SLC24A4: variants seen among roughly 807,000 people sequenced by gnomAD.
The protein encoded by SLC24A4 is sodium/potassium/calcium exchanger 4.
Under a neutral mutation model 79.0 loss-of-function variants are expected in SLC24A4, and 53 were observed. The ratio of observed to expected loss-of-function variants is 0.67; its 90% CI spans 0.54 to 0.84. SLC24A4 has a LOEUF of 0.84. SLC24A4 is among the 40% of genes least tolerant of loss of function. SLC24A4 has a pLI of 0.00. For synonymous variants in SLC24A4, 323 were observed against 323.8 expected, an observed-to-expected ratio of 1.00 and a Z score of 0.03; for missense variants, 731 against 822.0, an observed-to-expected ratio of 0.89 and a Z score of 1.35.
intron 7 of SLC24A4, among the ~76,000 whole-genome samples, chr14:92,444,435 A>G (rs572344636): frequency 5.3e-5 from 8 of 152,338 alleles, no homozygotes; most frequent in Admixed American, 3.3e-4. Context: ...ATTTTCCACA[A>G]TAATGAATGA....
At chr14:92,375,637 G>A (rs967018643) in intron 2 of SLC24A4, among the ~76,000 whole-genome samples, 1 of 152,216 alleles carries the variant, frequency 6.6e-6, no homozygotes, top group African/African-American at 2.4e-5. Context: ...AAGGAAGGAA[G>A]TACTGCTACA....
chr14:92,344,105 A>G (rs1055966812), intron 2 of SLC24A4, among the ~76,000 whole-genome samples: 12 of 152,202 alleles, frequency 7.9e-5, no homozygotes, highest in African/African-American at 2.9e-4. Context: ...AGGATATTCA[A>G]TCCATTGACT....
chr14:92,454,541 A>G (rs971956884), intron 11 of SLC24A4, among the ~76,000 whole-genome samples: 1 of 152,200 alleles, frequency 6.6e-6, no homozygotes, highest in African/African-American at 2.4e-5. Flanking sequence ...TGATTTTAAT[A>G]TTATTTAATG....
At chr14:92,489,098 G>A (rs1022819406) in intron 14 of SLC24A4, among the ~76,000 whole-genome samples, 2 of 152,094 alleles carry the variant, frequency 1.3e-5, no homozygotes, top group African/African-American at 4.8e-5. Context: ...ATAGTCCTCA[G>A]GGTAACATTG....
At chr14:92,379,829 G>A (rs1290911914) in intron 2 of SLC24A4, among the ~76,000 whole-genome samples, 1 of 151,980 alleles carries the variant, frequency 6.6e-6, no homozygotes, top group East Asian at 1.9e-4. Flanking sequence ...TTTCTGCCCC[G>A]CCAGCACACC....
intron 6 of SLC24A4, among the ~76,000 whole-genome samples, chr14:92,443,038 G>A (rs1316757480): frequency 6.6e-6 from 1 of 152,188 alleles, no homozygotes; most frequent in Non-Finnish European, 1.5e-5. Context: ...GGGGAATGTT[G>A]GACTTGACCT....
chr14:92,382,272 C>G (rs1459336830), intron 2 of SLC24A4, among the ~76,000 whole-genome samples: 1 of 152,042 alleles, frequency 6.6e-6, no homozygotes, highest in Non-Finnish European at 1.5e-5. Flanking sequence ...TATCAATTAT[C>G]AAACATATAT....
At chr14:92,471,850 A>G (rs1894456550) in intron 12 of SLC24A4, among the ~76,000 whole-genome samples, 1 of 152,212 alleles carries the variant, frequency 6.6e-6, no homozygotes, top group Non-Finnish European at 1.5e-5. Context: ...CCAGATGAGA[A>G]CAATGAATGC....
At chr14:92,418,515 T>C (rs772079606) in intron 2 of SLC24A4, among the ~76,000 whole-genome samples, 4 of 152,164 alleles carry the variant, frequency 2.6e-5, no homozygotes, top group Admixed American at 6.5e-5. Context: ...TGTGTGTTCA[T>C]AAAGAGATTT....
Position 92,324,175 on chromosome 14 carries a change from T to TGG in SLC24A4, c.130+221_130+222dup, listed in dbSNP as rs375734301. On this transcript the variant is annotated intron_variant, in intron 1 of 16. Transcript: ENST00000532405. ...GTTCCCCTGAGCTACGAGCGGCCCCTGGGGGGGCTCAGGACGCGGCTGCAG... is the reference window on the plus strand; with the variant it reads ...GTTCCCCTGAGCTACGAGCGGCCCCTGGGGGGGGGCTCAGGACGCGGCTGCAG... 5.8e-3 allele frequency among the ~76,000 whole-genome samples: 883 copies of TGG among 152,202 alleles called. 6 individuals are homozygous for TGG. Among genetic ancestry groups the TGG allele is most frequent in the African/African-American group, 0.02 (836 of 41,514 alleles).
chr14:92,342,363 C>CATTAATTAATTAATTAATTA (rs377654077), intron 2 of SLC24A4, among the ~76,000 whole-genome samples: 10 of 137,848 alleles, frequency 7.3e-5, no homozygotes, highest in African/African-American at 2.7e-4. Context: ...TTTTTTTCCC[C>CATTAATTAATTAATTAATTA]ATTTATTTAT....
chr14:92,379,881 A>C (rs1888733129), intron 2 of SLC24A4, among the ~76,000 whole-genome samples: 2 of 150,352 alleles, frequency 1.3e-5, no homozygotes, highest in African/African-American at 4.9e-5. Context: ...TCTTCCCCAG[A>C]CTCTCCGTCA....
At chr14:92,358,814 G>A (rs12436499) in intron 2 of SLC24A4, among the ~76,000 whole-genome samples, 83,281 of 151,002 alleles carry the variant, frequency 0.55, 26,232 homozygotes, top group East Asian at 0.78. Flanking sequence ...CATCCCAAGT[G>A]GCTGGGATTA....
upstream of SLC24A4, chr14:92,322,591 ATC>A (rs1884855960): frequency 2.6e-5 from 4 of 152,652 alleles, no homozygotes; most frequent in South Asian, 8.3e-4. Context: ...GGGCCCGCAG[ATC>A]TCTCTGGTTC....
chr14:92,345,819 T>G (rs1016246135), intron 2 of SLC24A4, among the ~76,000 whole-genome samples: 8 of 152,216 alleles, frequency 5.3e-5, no homozygotes, highest in African/African-American at 1.9e-4. Context: ...TGCCAGGCAC[T>G]GGGAGACAGC....
intron 2 of SLC24A4, among the ~76,000 whole-genome samples, chr14:92,360,649 T>C (rs1230213485): frequency 6.6e-6 from 1 of 152,246 alleles, no homozygotes; most frequent in African/African-American, 2.4e-5. Flanking sequence ...TGCCCGATCA[T>C]ACTGCCAATC....
At chr14:92,409,091 G>A (rs937389755) in intron 2 of SLC24A4, among the ~76,000 whole-genome samples, 11 of 152,326 alleles carry the variant, frequency 7.2e-5, no homozygotes, top group African/African-American at 2.6e-4. Context: ...ACTGGGTCAG[G>A]ACGGCCTGTG....
intron 2 of SLC24A4, among the ~76,000 whole-genome samples, chr14:92,380,729 G>A (rs1888797053): frequency 6.6e-6 from 1 of 152,216 alleles, no homozygotes; most frequent in Admixed American, 6.5e-5. Flanking sequence ...CAGTGTGCAA[G>A]CAAGGGCTGT....
chr14:92,478,882 T>C (rs1252366651), intron 12 of SLC24A4, among the ~76,000 whole-genome samples: 1 of 152,200 alleles, frequency 6.6e-6, no homozygotes, highest in Non-Finnish European at 1.5e-5. Context: ...CTTCCAATGA[T>C]GTTTGGTAGT....
Sources: gnomAD v4.1 joint callset for allele counts (sites outside exome capture counted in the v4.1 genomes callset) on GRCh38, gnomAD v4.1.1 for gene constraint, MANE v1.5 for transcripts, NCBI Gene and HGNC (gene_info 2026-07-23, HGNC 2026-07-21) for gene names.